Variants in OTUD7A observed in about 807,000 individuals in gnomAD.
OTUD7A encodes OTU deubiquitinase 7A.
In OTUD7A, 12 loss-of-function variants were observed where a neutral mutation model predicts 65.7. The ratio of observed to expected loss-of-function variants is 0.18; its 90% CI spans 0.12 to 0.30. OTUD7A has a LOEUF of 0.30. OTUD7A is among the 10% of genes least tolerant of loss of function. The pLI is 1.00. For synonymous variants in OTUD7A, 641 were observed against 586.3 expected (o/e 1.09, Z -1.35); for missense variants, 1,148 against 1,304.8 (o/e 0.88, Z 1.85).
chr15:31,681,437 A>G (rs995509486), intron 1 of OTUD7A, among the ~76,000 whole-genome samples: 5 of 142,036 alleles, frequency 3.5e-5, no homozygotes, highest in African/African-American at 1.3e-4. Flanking sequence ...TATGCTAGAA[A>G]CTCTCTGTTT....
intron 8 of OTUD7A, among the ~76,000 whole-genome samples, chr15:31,509,045 CTTTAT>C (rs968406792): frequency 1.2e-4 from 18 of 152,148 alleles, no homozygotes; most frequent in Admixed American, 2.0e-4. Flanking sequence ...TAATGTTAAA[CTTTAT>C]TTTAATAAAA....
intron 5 of OTUD7A, chr15:31,557,434 G>A (rs1566918747): frequency 6.6e-6 from 1 of 152,278 alleles, no homozygotes; most frequent in Non-Finnish European, 1.5e-5. Context: ...GACCACATCA[G>A]TGAGCTCCCC....
At chr15:31,647,559 T>C (rs2141269453) in intron 3 of OTUD7A, among the ~76,000 whole-genome samples, 1 of 152,344 alleles carries the variant, frequency 6.6e-6, no homozygotes, top group South Asian at 2.1e-4. Context: ...ATCCTATTTT[T>C]TTTAAGTGAA....
chr15:31,606,940 A>G (rs1001431908), intron 3 of OTUD7A, among the ~76,000 whole-genome samples: 6 of 152,212 alleles, frequency 3.9e-5, no homozygotes, highest in Admixed American at 6.5e-5. Flanking sequence ...CAGTGATAGC[A>G]CAGTAAACAA....
Position 31,688,431 on chromosome 15 carries a change from G to A in OTUD7A, c.-99-31354C>T, listed in dbSNP as rs570245175. Among the ~76,000 whole-genome samples the A allele has an allele frequency of 1.8e-4, 27 of 151,988 alleles. No individual in the cohort carries two copies. The South Asian group carries it at 2.3e-3, about 13-fold the overall frequency. ...CAAGTGGCTCAGACTCTTCAAAGACGTCAACATCACGAAAGAGAAAAACGA... is the reference window on the plus strand; with the variant it reads ...CAAGTGGCTCAGACTCTTCAAAGACATCAACATCACGAAAGAGAAAAACGA... On this transcript the variant is annotated intron_variant, in intron 1 of 12. Transcript: ENST00000307050.
chr15:31,588,927 C>T (rs1421745062), intron 3 of OTUD7A, among the ~76,000 whole-genome samples: 1 of 152,214 alleles, frequency 6.6e-6, no homozygotes, highest in Non-Finnish European at 1.5e-5. Context: ...CAAACTTCAC[C>T]TCCTCAGGCA....
intron 1 of OTUD7A, among the ~76,000 whole-genome samples, chr15:31,683,301 T>C (rs1010426567): frequency 6.6e-6 from 1 of 152,200 alleles, no homozygotes; most frequent in African/African-American, 2.4e-5. Flanking sequence ...ACTTTTAAAA[T>C]AGATAACAGT....
At chr15:31,633,025 C>A (rs1386371918) in intron 3 of OTUD7A, among the ~76,000 whole-genome samples, 1 of 137,104 alleles carries the variant, frequency 7.3e-6, no homozygotes, top group African/African-American at 3.3e-5. Context: ...CGTCTGTCAC[C>A]CCTTTCTTTG....
chr15:31,864,760 TACACACACACACACACAC>T (rs72128495), intron 1 of OTUD7A, among the ~76,000 whole-genome samples: 4 of 146,478 alleles, frequency 2.7e-5, no homozygotes, highest in African/African-American at 1.0e-4. Flanking sequence ...CTCCTCTTCC[TACACACACACACACACAC>T]ACACACACAC....
chr15:31,593,740 G>C (rs962744334), intron 3 of OTUD7A, among the ~76,000 whole-genome samples: 1 of 152,120 alleles, frequency 6.6e-6, no homozygotes, highest in African/African-American at 2.4e-5. Context: ...TCATTTCAAA[G>C]TGTCAGATGA....
At chr15:31,843,354 A>T (rs7168794) in intron 1 of OTUD7A, among the ~76,000 whole-genome samples, 1 of 150,296 alleles carries the variant, frequency 6.7e-6, no homozygotes, top group African/African-American at 2.5e-5. Flanking sequence ...AAAAAACCCC[A>T]ACCATTAAGC....
chr15:31,525,081 T>G (rs1311195880), intron 8 of OTUD7A, among the ~76,000 whole-genome samples: 1 of 152,074 alleles, frequency 6.6e-6, no homozygotes, highest in Admixed American at 6.5e-5. Context: ...CTTTCCCCAC[T>G]CCTCCCTGTC....
intron 3 of OTUD7A, among the ~76,000 whole-genome samples, chr15:31,602,879 T>G (rs1389480045): frequency 6.6e-6 from 1 of 152,030 alleles, no homozygotes; most frequent in Non-Finnish European, 1.5e-5. Context: ...GTAACACAAC[T>G]TACAAGGGAT....
chr15:31,769,721 A>G (rs979936798), intron 1 of OTUD7A, among the ~76,000 whole-genome samples: 1 of 152,222 alleles, frequency 6.6e-6, no homozygotes, highest in Non-Finnish European at 1.5e-5. Context: ...CATAATACAT[A>G]GCATATGATT....
chr15:31,772,270 A>AT (rs1246012256), intron 1 of OTUD7A, among the ~76,000 whole-genome samples: 2 of 151,584 alleles, frequency 1.3e-5, no homozygotes, highest in Non-Finnish European at 2.9e-5. Context: ...AAAAAAAAAA[A>AT]ATATTTTAGA....
chr15:31,867,982 C>CA (rs1897924979), intron 1 of OTUD7A, among the ~76,000 whole-genome samples: 1 of 152,244 alleles, frequency 6.6e-6, no homozygotes, highest in Non-Finnish European at 1.5e-5. Context: ...GATCCACTCC[C>CA]AAGGTGGCTC....
intron 3 of OTUD7A, among the ~76,000 whole-genome samples, chr15:31,602,474 T>A (rs1010162853): frequency 5.9e-5 from 9 of 152,174 alleles, no homozygotes; most frequent in Non-Finnish European, 1.0e-4. Flanking sequence ...AAGAGCTATT[T>A]ATGACAAACC....
chr15:31,487,565 G>C lies in OTUD7A; in HGVS notation c.1173C>G (p.Ala391=). ...MEQRDQQREQ[A]VIPLTDSEHK... The stretch of plus-strand genomic sequence containing the variant: ...GCTCAGAATCCGTCAGGGGGATCAC[G>C]GCTGGAACAGAAGAGACAGAGCCGT... Residue 391 remains alanine (A), a splice_region_variant and synonymous_variant, in exon 11 of 13, where the codon GCC becomes GCG. Transcript: ENST00000307050. This position sits in a 1 kb window ranked among gnomAD's most constrained non-coding sequence, Gnocchi z 6.0. 1 of 1,612,674 alleles carries C rather than the reference G, an allele frequency of 6.2e-7. No homozygotes were observed. Among genetic ancestry groups the C allele is most frequent in the Non-Finnish European group, 8.5e-7 (1 of 1,179,376 alleles).
In OTUD7A at chr15:31,678,495, T is replaced by C. The variant is rs4432240; in HGVS notation, c.-99-21418A>G. Among the ~76,000 whole-genome samples the C allele has an allele frequency of 1.9e-3, 290 of 152,292 alleles. 1 individual carries two copies. The highest frequency in any genetic ancestry group is 6.4e-3 in the African/African-American group (267 of 41,562). ...GGAGGAAAAAAACGGTTTTGTGGGT[T>C]GGGCCCAGGGCCTTGCTGCTTTGTG... On this transcript the variant is annotated intron_variant, in intron 1 of 12. Coordinates refer to ENST00000307050, the MANE Select transcript of OTUD7A (RefSeq NM_001382637.1).
Sources: gnomAD v4.1 joint callset for allele counts (sites outside exome capture counted in the v4.1 genomes callset) on GRCh38, gnomAD v4.1.1 for gene constraint, Gnocchi (gnomAD v3.1) non-coding constraint, MANE v1.5 for transcripts, NCBI Gene and HGNC (gene_info 2026-07-23, HGNC 2026-07-21) for gene names.